The following XKR6 variants were observed in gnomAD, a reference collection of about 807,000 sequenced individuals.
XKR6 encodes the protein XK-related protein 6.
XKR6 carries 22 observed loss-of-function variants against 56.7 expected under a neutral mutation model. The observed-to-expected ratio is 0.39, with a 90% confidence interval of 0.28 to 0.55. The LOEUF (loss-of-function observed/expected upper bound fraction) is 0.55. Ranked by LOEUF, XKR6 falls within the 20% of genes least tolerant of loss-of-function variation. The pLI, the probability that XKR6 is intolerant of heterozygous loss-of-function variation, is 0.66. For synonymous variants in XKR6, 524 were observed against 387.8 expected (o/e 1.35, Z -4.13); for missense variants, 852 against 889.0 (o/e 0.96, Z 0.53).
intron 1 of XKR6, among the ~76,000 whole-genome samples, chr8:11,159,587 AAC>A (rs1801693454): frequency 1.3e-5 from 2 of 152,194 alleles, no homozygotes; most frequent in South Asian, 4.1e-4. Context: ...ACTTGTGAAA[AAC>A]ACAAATTGTC....
intron 1 of XKR6, among the ~76,000 whole-genome samples, chr8:11,062,478 A>C (rs1799860389): frequency 1.3e-5 from 2 of 152,208 alleles, no homozygotes; most frequent in Non-Finnish European, 2.9e-5. Flanking sequence ...CAATACATCC[A>C]GCTCCATGAG....
intron 1 of XKR6, among the ~76,000 whole-genome samples, chr8:11,029,329 G>T (rs1171747476): frequency 6.6e-6 from 1 of 152,086 alleles, no homozygotes; most frequent in South Asian, 2.1e-4. Context: ...CCTCATATTC[G>T]CTGGTAGGGA....
intron 1 of XKR6, among the ~76,000 whole-genome samples, chr8:11,048,821 G>A (rs776518765): frequency 1.2e-4 from 18 of 152,180 alleles, no homozygotes; most frequent in Non-Finnish European, 2.4e-4. Flanking sequence ...CAGGCCTACA[G>A]CCTCTGCTCT....
Position 10,928,521 on chromosome 8 carries a change from C to A in XKR6, c.765-3691G>T, listed in dbSNP as rs762957492. Among the ~76,000 whole-genome samples the A allele has an allele frequency of 1.2e-4, 18 of 152,350 alleles. No individual in the cohort carries two copies. In the East Asian group the frequency reaches 3.3e-3, roughly 28 times the overall value. Reference sequence around the variant, plus strand: ...TTTCCTGTGTGTAAAATCCGGAGCTCCTGGGTGACCTCTGAGGCTGCGCTG... The same window carrying A: ...TTTCCTGTGTGTAAAATCCGGAGCTACTGGGTGACCTCTGAGGCTGCGCTG... On this transcript the variant is annotated intron_variant, in intron 1 of 2. Coordinates refer to ENST00000416569, the MANE Select transcript of XKR6 (RefSeq NM_173683.4).
At chr8:10,966,369 G>A (rs1033829058) in intron 1 of XKR6, among the ~76,000 whole-genome samples, 2 of 152,024 alleles carry the variant, frequency 1.3e-5, no homozygotes, top group South Asian at 2.1e-4. Context: ...ACCGAGAAAT[G>A]TATTAAAAAC....
At chr8:10,966,663 GACTCT>G in intron 1 of XKR6, among the ~76,000 whole-genome samples, 2 of 152,264 alleles carry the variant, frequency 1.3e-5, no homozygotes, top group East Asian at 3.9e-4. Context: ...CACAGAGTGA[GACTCT>G]GTCTCAAAAA....
intron 1 of XKR6, among the ~76,000 whole-genome samples, chr8:11,196,150 T>C (rs1803875507): frequency 6.6e-6 from 1 of 152,066 alleles, no homozygotes; most frequent in Non-Finnish European, 1.5e-5. Context: ...TATTGAATAT[T>C]ACCATTCTTA....
At chr8:10,995,762 G>A (rs1798097984) in intron 1 of XKR6, among the ~76,000 whole-genome samples, 2 of 151,856 alleles carry the variant, frequency 1.3e-5, no homozygotes, top group Non-Finnish European at 2.9e-5. Flanking sequence ...AGCTGCCTAC[G>A]ATGAAGGCTG....
intron 1 of XKR6, among the ~76,000 whole-genome samples, chr8:11,057,260 T>C (rs919173549): frequency 1.3e-5 from 2 of 152,218 alleles, no homozygotes; most frequent in African/African-American, 2.4e-5. Flanking sequence ...GTCACACTTG[T>C]CACTGTCTAA....
At chr8:11,100,122 G>A (rs1798416058) in intron 1 of XKR6, among the ~76,000 whole-genome samples, 1 of 152,134 alleles carries the variant, frequency 6.6e-6, no homozygotes, top group Non-Finnish European at 1.5e-5. Context: ...CACAATCTCA[G>A]CTCACTGCAG....
chr8:10,900,721 T>C (rs527436552), intron 2 of XKR6, among the ~76,000 whole-genome samples: 1 of 152,352 alleles, frequency 6.6e-6, no homozygotes, highest in Admixed American at 6.5e-5. Flanking sequence ...CATGTGTGTC[T>C]GCAGTGGCTG....
intron 1 of XKR6, among the ~76,000 whole-genome samples, chr8:11,182,670 T>C (rs1289085104): frequency 1.3e-5 from 2 of 152,246 alleles, no homozygotes; most frequent in African/African-American, 2.4e-5. Context: ...GTAGTAGAGC[T>C]AGCAAGAAAT....
intron 1 of XKR6, among the ~76,000 whole-genome samples, chr8:10,941,140 C>A (rs1801374828): frequency 6.6e-6 from 1 of 152,116 alleles, no homozygotes; most frequent in South Asian, 2.1e-4. Context: ...CCCTCCAGGC[C>A]CTGTCCAACA....
intron 1 of XKR6, among the ~76,000 whole-genome samples, chr8:10,952,399 C>A (rs1330098751): frequency 6.6e-6 from 1 of 152,224 alleles, no homozygotes; most frequent in Non-Finnish European, 1.5e-5. Flanking sequence ...CCTCTCATAT[C>A]TTTAGCATCC....
At chr8:11,148,988 A>G (rs1363962652) in intron 1 of XKR6, among the ~76,000 whole-genome samples, 2 of 152,212 alleles carry the variant, frequency 1.3e-5, no homozygotes, top group Non-Finnish European at 1.5e-5. Flanking sequence ...TGAAAGAAAT[A>G]TCAGTGGTTG....
At position 11,136,451 on chromosome 8, in the gene XKR6, C is replaced by T. The variant is rs550739748; in HGVS notation, c.764+64125G>A. On this transcript the variant is annotated intron_variant, in intron 1 of 2. Coordinates refer to ENST00000416569, the MANE Select transcript of XKR6 (RefSeq NM_173683.4). The stretch of plus-strand genomic sequence containing the variant: ...CCCGGGGGGCGGAGGTTGTGGTGAG[C>T]CAAGATTGCGCCATTGCACTCCAGC... Among the ~76,000 whole-genome samples, 3 of 151,020 alleles carry T rather than the reference C, an allele frequency of 2.0e-5. No homozygotes were observed. In the East Asian group the frequency reaches 5.8e-4, roughly 29 times the overall value.
At chr8:10,902,155 T>G (rs1277799057) in intron 2 of XKR6, among the ~76,000 whole-genome samples, 10 of 152,238 alleles carry the variant, frequency 6.6e-5, no homozygotes, top group African/African-American at 2.4e-4. Flanking sequence ...GCACAGACAT[T>G]CCTCAGTGTT....
At position 11,181,986 on chromosome 8, in the gene XKR6, T is replaced by A. The variant is rs1032156909; in HGVS notation, c.764+18590A>T. Among the ~76,000 whole-genome samples the A allele has an allele frequency of 2.0e-5, 3 of 152,224 alleles. No homozygotes were observed. The South Asian group carries it at 6.2e-4, about 31-fold the overall frequency. ...TCCCATCTCAGTCTCAGTATCACCA[T>A]GTTGCCCAGGCTGGTCTTGAACTCC... On this transcript the variant is annotated intron_variant, in intron 1 of 2. Transcript: ENST00000416569.
At chr8:10,917,965 C>A (rs780748600) in intron 2 of XKR6, among the ~76,000 whole-genome samples, 7 of 152,174 alleles carry the variant, frequency 4.6e-5, no homozygotes, top group Non-Finnish European at 1.0e-4. Context: ...TTAGAAGATG[C>A]TAGAATCTTG....
Sources: allele counts gnomAD v4.1 joint callset (sites outside exome capture counted in the v4.1 genomes callset), GRCh38; gene constraint gnomAD v4.1.1; transcripts MANE v1.5; gene names NCBI Gene and HGNC (gene_info 2026-07-23, HGNC 2026-07-21).